SLCO5A1: variants seen among roughly 807,000 people sequenced by gnomAD.
SLCO5A1 encodes solute carrier organic anion transporter family member 5A1.
A neutral mutation model predicts 65.1 loss-of-function variants in SLCO5A1; 39 were observed. The observed-to-expected ratio is 0.60, with a 90% CI of 0.46 to 0.78. SLCO5A1 has a LOEUF of 0.78. Among genes scored for constraint, SLCO5A1 ranks in the 30% least tolerant of loss-of-function variants. The pLI is 0.00. For synonymous variants in SLCO5A1, 438 were observed against 415.7 expected, an observed-to-expected ratio of 1.05 and a Z score of -0.65; for missense variants, 1,029 against 1,069.4, an observed-to-expected ratio of 0.96 and a Z score of 0.53.
chr8:69,677,692 C>T (rs534491177), intron 8 of SLCO5A1, among the ~76,000 whole-genome samples: 6 of 152,326 alleles, frequency 3.9e-5, no homozygotes, highest in Non-Finnish European at 8.8e-5. Context: ...GCACTACTAT[C>T]TGGCTGTCAA....
rs528730848 is a variant in SLCO5A1 at position 69,667,913 on chromosome 8, C to T, written c.*4956G>A. ...ACTGTTGAAATGAGAGTAATGGATGCTTGTTTTCTGGAAAATTCTTCAGAT... is the reference window on the plus strand; with the variant it reads ...ACTGTTGAAATGAGAGTAATGGATGTTTGTTTTCTGGAAAATTCTTCAGAT... On this transcript the variant is annotated 3_prime_UTR_variant, in exon 10 of 10. Transcript: ENST00000260126. 1 of 152,164 alleles carries T rather than the reference C, an allele frequency of 6.6e-6. No individual in the cohort carries two copies. Among genetic ancestry groups the T allele is most frequent in the African/African-American group, 2.4e-5 (1 of 41,430 alleles). 9.4% of individuals were successfully genotyped at this position (152,164 alleles called of 1,614,324 possible). A position where few individuals can be genotyped will look rare whatever the true frequency, so the allele number is the denominator to read the frequency against.
intron 2 of SLCO5A1, among the ~76,000 whole-genome samples, chr8:69,784,093 A>G (rs534027279): frequency 1.3e-5 from 2 of 152,338 alleles, no homozygotes; most frequent in South Asian, 4.1e-4. Context: ...CTAAAAAGCT[A>G]CACCTAGATT....
chr8:69,813,524 A>C (rs1418813728), intron 2 of SLCO5A1, among the ~76,000 whole-genome samples: 1 of 152,228 alleles, frequency 6.6e-6, no homozygotes, highest in African/African-American at 2.4e-5. Flanking sequence ...CTAGAGGGGA[A>C]GTAGACTCTG....
chr8:69,772,315 G>A (rs1586782930), intron 2 of SLCO5A1, among the ~76,000 whole-genome samples: 1 of 151,948 alleles, frequency 6.6e-6, no homozygotes, highest in East Asian at 1.9e-4. Context: ...GAGTCCAGGA[G>A]TTCAAGACCA....
chr8:69,690,191 T>C (rs1232247601), intron 6 of SLCO5A1, among the ~76,000 whole-genome samples: 1 of 148,194 alleles, frequency 6.7e-6, no homozygotes, highest in African/African-American at 2.5e-5. Flanking sequence ...TTTCGCTGGA[T>C]AGTAGGTAGG....
At chr8:69,700,912 G>A (rs1044631025) in intron 6 of SLCO5A1, among the ~76,000 whole-genome samples, 3 of 151,982 alleles carry the variant, frequency 2.0e-5, no homozygotes, top group Admixed American at 2.0e-4. Context: ...GTAGCTACTG[G>A]AGGATGTGCT....
intron 6 of SLCO5A1, among the ~76,000 whole-genome samples, chr8:69,704,333 C>A (rs190083991): frequency 9.2e-5 from 14 of 152,308 alleles, no homozygotes; most frequent in Admixed American, 8.5e-4. Flanking sequence ...TGAGAGGATT[C>A]ATGGATTAAC....
At chr8:69,676,051 G>T (rs148874438) in intron 9 of SLCO5A1, among the ~76,000 whole-genome samples, 39 of 152,278 alleles carry the variant, frequency 2.6e-4, no homozygotes, top group African/African-American at 8.9e-4. Context: ...TTATCACATG[G>T]ACACAGCACT....
chr8:69,802,816 T>C (rs918297755), intron 2 of SLCO5A1, among the ~76,000 whole-genome samples: 7 of 152,198 alleles, frequency 4.6e-5, no homozygotes, highest in African/African-American at 1.4e-4. Flanking sequence ...ATTTGCTTTT[T>C]CTTCATAGCC....
chr8:69,746,408 CA>C (rs1015433892), intron 4 of SLCO5A1, among the ~76,000 whole-genome samples: 1 of 152,012 alleles, frequency 6.6e-6, no homozygotes, highest in Admixed American at 6.6e-5. Flanking sequence ...CAGACAAAGG[CA>C]GCTTAAAGGG....
intron 5 of SLCO5A1, among the ~76,000 whole-genome samples, chr8:69,720,912 CAT>C (rs1410512244): frequency 2.6e-5 from 4 of 152,148 alleles, no homozygotes; most frequent in African/African-American, 7.2e-5. Context: ...GTGTAATGGA[CAT>C]GTGTAAACAA....
chr8:69,803,039 G>A (rs367589774), intron 2 of SLCO5A1, among the ~76,000 whole-genome samples: 3 of 152,196 alleles, frequency 2.0e-5, no homozygotes, highest in South Asian at 4.1e-4. Context: ...AGAACATACA[G>A]TATTATTGGC....
At chr8:69,761,627 G>T in intron 3 of SLCO5A1, 116 bp downstream of exon 3, 1 of 1,119,228 alleles carries the variant, frequency 8.9e-7, no homozygotes, top group Non-Finnish European at 1.3e-6. Flanking sequence ...CCCCTTCCCA[G>T]GCACCTTTCA....
At chr8:69,675,503 G>A (rs1214493595) in intron 9 of SLCO5A1, among the ~76,000 whole-genome samples, 3 of 152,088 alleles carry the variant, frequency 2.0e-5, no homozygotes, top group Non-Finnish European at 4.4e-5. Flanking sequence ...CTATATCTAA[G>A]TGTGTCAGGA....
intron 2 of SLCO5A1, among the ~76,000 whole-genome samples, chr8:69,784,938 GAAA>G (rs1818986773): frequency 8.3e-6 from 1 of 119,796 alleles, no homozygotes; most frequent in South Asian, 2.7e-4. Flanking sequence ...AAGAAAGAAA[GAAA>G]GAAAGAAAGA....
At position 69,832,023 on chromosome 8, in the gene SLCO5A1, G is replaced by A. The variant is rs755822655; in HGVS notation, c.651C>T (p.Phe217=). The part of the protein sequence containing the change: ...FGAALFALPH[F]ISPPYQIQEL... ...CTTGGATCTGGTAGGGGGGCGAGAT[G>A]AAGTGAGGTAAGGCGAAGAGGGCTG... Residue 217 remains phenylalanine (F), a synonymous_variant, in exon 2 of 10, where the codon TTC becomes TTT. Transcript: ENST00000260126. This position sits in a 1 kb window ranked among gnomAD's most constrained non-coding sequence, Gnocchi z 4.5. 2.5e-6 allele frequency: 4 copies of A among 1,606,438 alleles called. No individual in the cohort carries two copies. Among genetic ancestry groups the A allele is most frequent in the Non-Finnish European group, 3.4e-6 (4 of 1,176,494 alleles).
At chr8:69,802,503 C>T (rs190507887) in intron 2 of SLCO5A1, among the ~76,000 whole-genome samples, 115 of 146,720 alleles carry the variant, frequency 7.8e-4, no homozygotes, top group African/African-American at 2.7e-3. Flanking sequence ...GAGCAAGACC[C>T]TATTTCAAAA....
chr8:69,707,930 C>T (rs2959576), intron 5 of SLCO5A1, among the ~76,000 whole-genome samples: 94,290 of 151,946 alleles, frequency 0.62, 29,511 homozygotes, highest in South Asian at 0.72. Context: ...GTGAAATGCC[C>T]CACCCAGTTG....
At chr8:69,760,951 T>C (rs181055464) in intron 3 of SLCO5A1, among the ~76,000 whole-genome samples, 225 of 152,184 alleles carry the variant, frequency 1.5e-3, no homozygotes, top group Non-Finnish European at 2.7e-3. Context: ...AGTGTGACAA[T>C]GGAAAAGCAG....
Sources: gnomAD v4.1 joint callset for allele counts (sites outside exome capture counted in the v4.1 genomes callset) on GRCh38, gnomAD v4.1.1 for gene constraint, Gnocchi (gnomAD v3.1) non-coding constraint, MANE v1.5 for transcripts, NCBI Gene and HGNC (gene_info 2026-07-23, HGNC 2026-07-21) for gene names.